Variants in LSG1 observed in about 807,000 individuals in gnomAD.
The protein encoded by LSG1 is large subunit GTPase 1 homolog.
LSG1 carries 55 observed loss-of-function variants against 82.6 expected under a neutral mutation model. That is an observed-to-expected ratio of 0.67 (90% CI 0.54 to 0.83). The LOEUF (loss-of-function observed/expected upper bound fraction) is 0.83. Ranked by LOEUF, LSG1 falls within the 40% of genes least tolerant of loss-of-function variation. LSG1 has a pLI of 0.00. For missense variants in LSG1, 809 were observed against 807.9 expected (o/e 1.00, Z -0.02); for synonymous variants, 272 against 282.5 (o/e 0.96, Z 0.37).
intron 5 of LSG1, among the ~76,000 whole-genome samples, chr3:194,662,637 C>T (rs1271984962): frequency 3.3e-5 from 5 of 152,180 alleles, no homozygotes; most frequent in Admixed American, 3.3e-4. Flanking sequence ...TGGCGCGTGC[C>T]TGTAATCCCA....
intron 5 of LSG1, 56 bp downstream of exon 5, chr3:194,665,501 A>T (rs1237265241): frequency 7.5e-6 from 10 of 1,328,614 alleles, no homozygotes; most frequent in Non-Finnish European, 1.1e-5. Context: ...CAACAGCCAA[A>T]TCGAATATAA....
intron 12 of LSG1, among the ~76,000 whole-genome samples, chr3:194,645,571 GACAGAC>G (rs1553845128): frequency 0.36 from 15,024 of 41,258 alleles, 3,597 homozygotes; most frequent in East Asian, 0.53. Flanking sequence ...CACACACACA[GACAGAC>G]ACACACACAC....
At position 194,648,616 on chromosome 3, in the gene LSG1, T is replaced by C; in HGVS notation, c.1543+65A>G. 3 of 1,503,858 alleles carry C rather than the reference T, an allele frequency of 2.0e-6. 1 individual carries two copies. In the South Asian group the frequency reaches 3.5e-5, roughly 18 times the overall value. The allele number at this position is 1,503,858 out of a possible 1,614,324, so 93.2% of individuals were successfully genotyped here. A position where few individuals can be genotyped will look rare whatever the true frequency, so the allele number is the denominator to read the frequency against. ...ACAGCAATTCTAGTACTATTACTAT[T>C]CTTATTTCTATTCATTAGGTATACT... On this transcript the variant is annotated intron_variant, in intron 11 of 13. Transcript: ENST00000265245.
chr3:194,645,884 C>T (rs73069308), intron 12 of LSG1, among the ~76,000 whole-genome samples: 3,463 of 152,224 alleles, frequency 0.023, 131 homozygotes, highest in African/African-American at 0.08. Context: ...ACAAAGAAGA[C>T]TGTGACAATA....
Position 194,659,152 on chromosome 3 carries a change from T to C in LSG1, c.583-19A>G, listed in dbSNP as rs1310246229. 2.5e-6 allele frequency: 4 copies of C among 1,589,530 alleles called. No individual in the cohort carries two copies. In the Admixed American group the frequency reaches 5.2e-5, roughly 21 times the overall value. On this transcript the variant is annotated intron_variant, in intron 6 of 13. Transcript: ENST00000265245. The stretch of plus-strand genomic sequence containing the variant: ...AACATTCCTAAGCAAGACAAAGAGA[T>C]TTAGAAAGACCTCTTCAAACAAGTA...
chr3:194,648,914 T>A, intron 10 of LSG1, 110 bp from the exon 11 acceptor site: 1 of 1,075,024 alleles, frequency 9.3e-7, no homozygotes, highest in South Asian at 1.5e-5. Context: ...AAACACTCTC[T>A]CCTCTCCAAA....
intron 2 of LSG1, 36 bp downstream of exon 2, chr3:194,669,973 G>A (rs1168419832): frequency 6.3e-7 from 1 of 1,585,262 alleles, no homozygotes; most frequent in Non-Finnish European, 8.6e-7. Flanking sequence ...ATGGAAATGT[G>A]ACAGTCTCAC....
rs1718518598 is a variant in LSG1 at position 194,645,545 on chromosome 3, C to CACACAGACAG, written c.1623+618_1623+619insCTGTCTGTGT. ...ACACACACACAGACAGACACACACA[C>CACACAGACAG]ACACACACACACACACACACACACA... On this transcript the variant is annotated intron_variant, in intron 12 of 13. Coordinates refer to ENST00000265245, the MANE Select transcript of LSG1 (RefSeq NM_018385.3). The CACACAGACAG allele has an allele frequency of 3.4e-4, 16 of 47,462 alleles. 1 individual carries two copies. The highest frequency in any genetic ancestry group is 9.2e-4 in the African/African-American group (12 of 13,112). The allele number at this position is 47,462 out of a possible 1,614,324, so 2.9% of individuals were successfully genotyped here.
At chr3:194,645,940 A>C (rs1718541377) in intron 12 of LSG1, among the ~76,000 whole-genome samples, 1 of 152,270 alleles carries the variant, frequency 6.6e-6, no homozygotes, top group Admixed American at 6.5e-5. Flanking sequence ...AAAAAAAGCC[A>C]GATGCATATA....
rs375794353 is a variant in LSG1 at position 194,650,931 on chromosome 3, C to T, written c.1369G>A (p.Gly457Arg). 249 of 1,613,984 alleles carry T rather than the reference C, an allele frequency of 1.5e-4. 1 individual carries two copies. Among genetic ancestry groups the T allele is most frequent in the South Asian group, 5.9e-4 (54 of 91,080 alleles). ...VSTKAEMTCS[G>R]ILPIDQMRDH... ...CTCATCTGATCAATTGGGAGGATTC[C>T]GCTGCAAGTCATTTCTGCCTTGGTA... The change falls in exon 10 of 14, where the codon GGA becomes AGA. Residue 457 changes from glycine (G) to arginine (R), a missense_variant. Coordinates refer to ENST00000265245, the MANE Select transcript of LSG1 (RefSeq NM_018385.3).
chr3:194,646,363 A>G (rs1041191245), intron 11 of LSG1, 120 bp from the exon 12 acceptor site: 1 of 686,548 alleles, frequency 1.5e-6, no homozygotes, highest in Non-Finnish European at 2.6e-6. Context: ...AAAATTAGGT[A>G]TCATTGTAGA....
At chr3:194,656,220 C>T (rs1180079855) in intron 7 of LSG1, among the ~76,000 whole-genome samples, 1 of 151,106 alleles carries the variant, frequency 6.6e-6, no homozygotes, top group Non-Finnish European at 1.5e-5. Flanking sequence ...AGGCAACCTA[C>T]AGAATGGGAG....
Position 194,641,234 on chromosome 3 carries a change from T to G in LSG1, c.*834A>C, listed in dbSNP as rs964051647. On this transcript the variant is annotated 3_prime_UTR_variant, in exon 14 of 14. Coordinates refer to ENST00000265245, the MANE Select transcript of LSG1 (RefSeq NM_018385.3). ...ACGTAAAGTGTGTAATTCAATGGTC[T>G]TAAGCATATTCAGAGTTGTGTGACC... The G allele has an allele frequency of 6.6e-6, 1 of 152,238 alleles. No individual in the cohort carries two copies. Among genetic ancestry groups the G allele is most frequent in the African/African-American group, 2.4e-5 (1 of 41,454 alleles). 9.4% of individuals were successfully genotyped at this position (152,238 alleles called of 1,614,324 possible). A position where few individuals can be genotyped will look rare whatever the true frequency, so the allele number is the denominator to read the frequency against.
At chr3:194,655,790 T>C (rs989657720) in intron 7 of LSG1, among the ~76,000 whole-genome samples, 9 of 152,148 alleles carry the variant, frequency 5.9e-5, no homozygotes, top group African/African-American at 2.2e-4. Flanking sequence ...ATGGTACTGG[T>C]ACCAAAACAG....
chr3:194,654,907 A>G (rs1026951080), intron 7 of LSG1, among the ~76,000 whole-genome samples: 1 of 152,232 alleles, frequency 6.6e-6, no homozygotes, highest in Non-Finnish European at 1.5e-5. Context: ...ACATTTTTTC[A>G]GAACATTCAC....
chr3:194,648,632 TAGG>T, intron 11 of LSG1, 46 bp downstream of exon 11: 1 of 1,577,328 alleles, frequency 6.3e-7, no homozygotes, highest in Non-Finnish European at 8.7e-7. Flanking sequence ...TTCTATTCAT[TAGG>T]TATACTGTTA....
At chr3:194,659,970 G>T in intron 6 of LSG1, 103 bp downstream of exon 6, 1 of 1,000,184 alleles carries the variant, frequency 1.0e-6, no homozygotes, top group Non-Finnish European at 1.6e-6. Flanking sequence ...ACTAAACGAA[G>T]CCAGAGAGGG....
chr3:194,653,793 G>C (rs1028391445), intron 7 of LSG1, among the ~76,000 whole-genome samples: 2 of 152,156 alleles, frequency 1.3e-5, no homozygotes, highest in Admixed American at 1.3e-4. Context: ...CCCAGCGCTT[G>C]GGTGGCGGAG....
Position 194,650,879 on chromosome 3 carries a change from A to G in LSG1, c.1419+2T>C. The G allele has an allele frequency of 1.2e-6, 2 of 1,611,540 alleles. No homozygotes were observed. The highest frequency in any genetic ancestry group is 1.7e-6 in the Non-Finnish European group (2 of 1,178,902). On this transcript the variant is annotated splice_donor_variant, in intron 10 of 13. Transcript: ENST00000265245. LOFTEE classifies it high-confidence loss of function. Reference sequence around the variant, plus strand: ...AGAGTGTTTCCAAAGCAGAAAGGATATTAGTGATACAGGAGGAACATGATC... The same window carrying G: ...AGAGTGTTTCCAAAGCAGAAAGGATGTTAGTGATACAGGAGGAACATGATC...
Sources: gnomAD v4.1 joint callset for allele counts (sites outside exome capture counted in the v4.1 genomes callset) on GRCh38, gnomAD v4.1.1 for gene constraint, MANE v1.5 for transcripts, NCBI Gene and HGNC (gene_info 2026-07-23, HGNC 2026-07-21) for gene names.